The following RER1 variants were observed in gnomAD, a reference collection of about 807,000 sequenced individuals.
RER1 encodes protein RER1.
RER1 carries 6 observed loss-of-function variants against 28.3 expected under a neutral mutation model. That is an observed-to-expected ratio of 0.21 (90% CI 0.12 to 0.42). RER1 has a LOEUF of 0.42. Ranked by LOEUF, RER1 falls within the 10% of genes least tolerant of loss-of-function variation. The probability of loss-of-function intolerance (pLI) is 1.00; values close to 1 mark genes in which losing one functional copy is unlikely to be tolerated. For synonymous variants in RER1, 110 were observed against 95.9 expected (o/e 1.15, Z -0.86); for missense variants, 159 against 252.9 (o/e 0.63, Z 2.52).
In RER1 at chr1:2,403,505, C is replaced by T. The variant is rs1169146209; in HGVS notation, c.*381C>T. 1.1e-5 allele frequency: 3 copies of T among 285,042 alleles called. No homozygotes were observed. The highest frequency in any genetic ancestry group is 2.3e-5 in the African/African-American group (1 of 44,236). The allele number at this position is 285,042 out of a possible 1,614,324, so 17.7% of individuals were successfully genotyped here. On this transcript the variant is annotated 3_prime_UTR_variant, in exon 7 of 7. Coordinates refer to ENST00000605895, the MANE Select transcript of RER1 (RefSeq NM_007033.5). ...CCCGCCAGCCGCCTTCCCCAGCAGC[C>T]GCAGGTGGTGCCAGCCACTCCACAG...
Position 2,402,895 on chromosome 1 carries a change from C to T in RER1, c.502-140C>T, listed in dbSNP as rs577557086. The T allele has an allele frequency of 1.9e-3, 1,263 of 680,388 alleles. 1 individual carries two copies. Among genetic ancestry groups the T allele is most frequent in the Admixed American group, 4.5e-3 (179 of 39,928 alleles). 42.1% of individuals were successfully genotyped at this position (680,388 alleles called of 1,614,324 possible). On this transcript the variant is annotated intron_variant, in intron 6 of 6. Coordinates refer to ENST00000605895, the MANE Select transcript of RER1 (RefSeq NM_007033.5). ...GAAGGTCTTGCTGTGTTGATGTGGGCGCAGGAAGCCACTGGGGCTCCGATT... is the reference window on the plus strand; with the variant it reads ...GAAGGTCTTGCTGTGTTGATGTGGGTGCAGGAAGCCACTGGGGCTCCGATT...
chr1:2,397,029 C>T (rs1642777037), intron 2 of RER1, 87 bp from the exon 3 acceptor site: 2 of 815,284 alleles, frequency 2.5e-6, no homozygotes, highest in South Asian at 1.7e-5. Flanking sequence ...AATTGAAAGC[C>T]AACCCTAGCA....
chr1:2,399,796 G>A (rs1300014643), intron 4 of RER1, among the ~76,000 whole-genome samples: 1 of 152,144 alleles, frequency 6.6e-6, no homozygotes, highest in Non-Finnish European at 1.5e-5. Flanking sequence ...AGACAGTAGG[G>A]GTCTGAGGTG....
chr1:2,405,368 A>G lies in RER1; in HGVS notation c.*2244A>G, dbSNP rs987647966. Reference sequence around the variant, plus strand: ...CACCCAGCACGCACTCATTCAGTCCATTGCCTTAACACAAGCCTGATGGGG... The same window carrying G: ...CACCCAGCACGCACTCATTCAGTCCGTTGCCTTAACACAAGCCTGATGGGG... On this transcript the variant is annotated 3_prime_UTR_variant, in exon 7 of 7. Transcript: ENST00000605895. The G allele has an allele frequency of 2.2e-5, 8 of 365,392 alleles. No homozygotes were observed. The highest frequency in any genetic ancestry group is 1.9e-4 in the Admixed American group (5 of 26,270). The allele number at this position is 365,392 out of a possible 1,614,324, so 22.6% of individuals were successfully genotyped here.
In RER1 at chr1:2,403,823, T is replaced by C. The variant is rs1358726541; in HGVS notation, c.*699T>C. ...TGTTTTTAATTTAAATCTGTCCTCA[T>C]GCAACCCTCCATGAGGGGCAGCGAA... On this transcript the variant is annotated 3_prime_UTR_variant, in exon 7 of 7. Transcript: ENST00000605895. The C allele has an allele frequency of 6.6e-6, 1 of 152,598 alleles. No homozygotes were observed. The highest frequency in any genetic ancestry group is 1.5e-5 in the Non-Finnish European group (1 of 68,050). The allele number at this position is 152,598 out of a possible 1,614,324, so 9.5% of individuals were successfully genotyped here. A position where few individuals can be genotyped will look rare whatever the true frequency, so the allele number is the denominator to read the frequency against.
chr1:2,401,252 T>TTCCTCCCTCCCCC (rs1642847324), intron 5 of RER1, among the ~76,000 whole-genome samples: 1 of 62,236 alleles, frequency 1.6e-5, no homozygotes, highest in African/African-American at 6.6e-5. Context: ...TCCTCCCTCC[T>TTCCTCCCTCCCCC]TCCTCCCTCC....
In RER1 at chr1:2,403,482, C is replaced by T. The variant is rs1016489210; in HGVS notation, c.*358C>T. ...TGCGAGGGAGGAACGGGCCGCTCCC[C>T]GCCAGCCGCCTTCCCCAGCAGCCGC... is the stretch of plus-strand genomic sequence containing the variant. On this transcript the variant is annotated 3_prime_UTR_variant, in exon 7 of 7. Coordinates refer to ENST00000605895, the MANE Select transcript of RER1 (RefSeq NM_007033.5). 6 of 292,900 alleles carry T rather than the reference C, an allele frequency of 2.0e-5. No homozygotes were observed. Among genetic ancestry groups the T allele is most frequent in the Non-Finnish European group, 3.3e-5 (5 of 150,452 alleles). 18.1% of individuals were successfully genotyped at this position (292,900 alleles called of 1,614,324 possible). A position where few individuals can be genotyped will look rare whatever the true frequency, so the allele number is the denominator to read the frequency against.
In RER1 at chr1:2,399,410, T is replaced by C; in HGVS notation, c.187-5T>C. On this transcript the variant is annotated splice_region_variant and splice_polypyrimidine_tract_variant and intron_variant, in intron 3 of 6. Coordinates refer to ENST00000605895, the MANE Select transcript of RER1 (RefSeq NM_007033.5). ...CACCACTGACTCTCTTTCCTTCTCT[T>C]TCAGGGTTGGTACATTGTGACCTAT... 2 of 1,592,926 alleles carry C rather than the reference T, an allele frequency of 1.3e-6. No homozygotes were observed. Among genetic ancestry groups the C allele is most frequent in the Non-Finnish European group, 1.7e-6 (2 of 1,160,702 alleles).
intron 5 of RER1, 41 bp from the exon 6 acceptor site, chr1:2,402,166 T>A: frequency 6.2e-7 from 1 of 1,614,008 alleles, no homozygotes; most frequent in South Asian, 1.1e-5. Flanking sequence ...TGCCCGGTGC[T>A]GGCTGCAGAT....
In RER1 at chr1:2,403,374, G is replaced by A. The variant is rs1300750542; in HGVS notation, c.*250G>A. 1.2e-5 allele frequency: 5 copies of A among 428,918 alleles called. No individual in the cohort carries two copies. Among genetic ancestry groups the A allele is most frequent in the East Asian group, 4.9e-5 (1 of 20,560 alleles). The allele number at this position is 428,918 out of a possible 1,614,324, so 26.6% of individuals were successfully genotyped here. A position where few individuals can be genotyped will look rare whatever the true frequency, so the allele number is the denominator to read the frequency against. On this transcript the variant is annotated 3_prime_UTR_variant, in exon 7 of 7. Coordinates refer to ENST00000605895, the MANE Select transcript of RER1 (RefSeq NM_007033.5). The stretch of plus-strand genomic sequence containing the variant: ...ATGGAATTCTAGTCAGCTGCAGGCG[G>A]GAAGCCAGGCGGGTGGAGCCCATGG...
rs2100411238 is a variant in RER1, at chr1:2,403,167, G to C, written c.*43G>C. ...CCTCACGTGTTGCAAGAACAGTTTT[G>C]AGCCATTGTTAACAATGCCTTTTTT... On this transcript the variant is annotated 3_prime_UTR_variant, in exon 7 of 7. Transcript: ENST00000605895. The C allele has an allele frequency of 6.7e-7, 1 of 1,501,240 alleles. No individual in the cohort carries two copies. Among genetic ancestry groups the C allele is most frequent in the Admixed American group, 1.7e-5 (1 of 59,652 alleles). 93.0% of individuals were successfully genotyped at this position (1,501,240 alleles called of 1,614,324 possible). A position where few individuals can be genotyped will look rare whatever the true frequency, so the allele number is the denominator to read the frequency against.
In RER1 at chr1:2,397,028, C is replaced by G; in HGVS notation, c.82-88C>G. On this transcript the variant is annotated intron_variant, in intron 2 of 6. Coordinates refer to ENST00000605895, the MANE Select transcript of RER1 (RefSeq NM_007033.5). ...TTTTAGCTGTTTTAAAAATTGAAAG[C>G]CAACCCTAGCAGAAGGTACATTTTG... 3 of 806,752 alleles carry G rather than the reference C, an allele frequency of 3.7e-6. No homozygotes were observed. The South Asian group carries it at 5.0e-5, about 13-fold the overall frequency. 50.0% of individuals were successfully genotyped at this position (806,752 alleles called of 1,614,324 possible).
rs768120905 is a variant in RER1, at chr1:2,399,412, C to T, written c.187-3C>T. 3 of 1,594,756 alleles carry T rather than the reference C, an allele frequency of 1.9e-6. No homozygotes were observed. The highest frequency in any genetic ancestry group is 2.7e-5 in the African/African-American group (2 of 74,626). Reference sequence around the variant, plus strand: ...CCACTGACTCTCTTTCCTTCTCTTTCAGGGTTGGTACATTGTGACCTATGC... The same window carrying T: ...CCACTGACTCTCTTTCCTTCTCTTTTAGGGTTGGTACATTGTGACCTATGC... On this transcript the variant is annotated splice_region_variant and splice_polypyrimidine_tract_variant and intron_variant, in intron 3 of 6. Coordinates refer to ENST00000605895, the MANE Select transcript of RER1 (RefSeq NM_007033.5).
intron 4 of RER1, among the ~76,000 whole-genome samples, chr1:2,400,482 C>G (rs182581848): frequency 6.6e-6 from 1 of 152,216 alleles, no homozygotes; most frequent in African/African-American, 2.4e-5. Flanking sequence ...GCCTGGCGCC[C>G]GGGTTCCACG....
At chr1:2,394,217 G>A (rs891614600) in intron 1 of RER1, 4 of 152,228 alleles carry the variant, frequency 2.6e-5, no homozygotes, top group East Asian at 1.9e-4. Flanking sequence ...ACACGGCTCC[G>A]CGAGACCAAA....
In RER1 at chr1:2,403,403, C is replaced by T. The variant is rs771499660; in HGVS notation, c.*279C>T. ...GCCAGGCGGGTGGAGCCCATGGGAG[C>T]AAGGGCGAGTGGCCGGTCCCCGCTG... On this transcript the variant is annotated 3_prime_UTR_variant, in exon 7 of 7. Transcript: ENST00000605895. The T allele has an allele frequency of 2.6e-5, 10 of 392,002 alleles. No homozygotes were observed. The highest frequency in any genetic ancestry group is 6.3e-5 in the African/African-American group (3 of 47,936). The allele number at this position is 392,002 out of a possible 1,614,324, so 24.3% of individuals were successfully genotyped here.
rs763759141 is a variant in RER1, at chr1:2,397,769, TGTC to T, written c.186+553_186+555del. Reference sequence around the variant, plus strand: ...TTTCGGGCACCCCTAGGTCAGGTGATGTCGTCTCAGACTTCACCTGGGTGCTCC... The same window carrying T: ...TTTCGGGCACCCCTAGGTCAGGTGATGTCTCAGACTTCACCTGGGTGCTCC... On this transcript the variant is annotated intron_variant, in intron 3 of 6. Coordinates refer to ENST00000605895, the MANE Select transcript of RER1 (RefSeq NM_007033.5). Among the ~76,000 whole-genome samples the T allele has an allele frequency of 2.0e-5, 3 of 152,298 alleles. No homozygotes were observed. In the South Asian group the frequency reaches 6.2e-4, roughly 32 times the overall value.
At chr1:2,392,750 C>G (rs1557899756) in intron 1 of RER1, among the ~76,000 whole-genome samples, 1 of 152,226 alleles carries the variant, frequency 6.6e-6, no homozygotes, top group Non-Finnish European at 1.5e-5. Flanking sequence ...AATTCAGACT[C>G]TCACATGGCT....
intron 3 of RER1, among the ~76,000 whole-genome samples, chr1:2,397,684 C>G (rs1035263851): frequency 1.3e-5 from 2 of 152,174 alleles, no homozygotes; most frequent in South Asian, 2.1e-4. Context: ...CAGGTTGAGA[C>G]GCCGAGTCAA....
Sources: allele counts gnomAD v4.1 joint callset (sites outside exome capture counted in the v4.1 genomes callset), GRCh38; gene constraint gnomAD v4.1.1; transcripts MANE v1.5; gene names NCBI Gene and HGNC (gene_info 2026-07-23, HGNC 2026-07-21).